The following HSH2D variants were observed in gnomAD, a reference collection of about 807,000 sequenced individuals.
The protein encoded by HSH2D is hematopoietic SH2 domain containing, also known as hematopoietic SH2 domain-containing protein.
In HSH2D, 16 loss-of-function variants were observed where a neutral mutation model predicts 21.5. That is an observed-to-expected ratio of 0.74 (90% CI 0.50 to 1.13). The LOEUF (loss-of-function observed/expected upper bound fraction) is 1.13, where lower values mean the gene tolerates loss of function less well. HSH2D is among the 50% of genes most tolerant of loss of function. HSH2D has a pLI of 0.00. For synonymous variants in HSH2D, 172 were observed against 184.7 expected (o/e 0.93, Z 0.56); for missense variants, 418 against 441.4 (o/e 0.95, Z 0.47).
rs75229415 is a variant in HSH2D, at chr19:16,134,397, T to C, written c.-324+162T>C. On this transcript the variant is annotated intron_variant, in intron 1 of 7. Transcript: ENST00000616645. ...AACCGCATCACTTGTACAGAAAGTGTATGAGCCACGCATGTAGGGAAGTTT... is the reference window on the plus strand; with the variant it reads ...AACCGCATCACTTGTACAGAAAGTGCATGAGCCACGCATGTAGGGAAGTTT... 4.7e-4 allele frequency among the ~76,000 whole-genome samples: 71 copies of C among 152,290 alleles called. No homozygotes were observed. In the East Asian group the frequency reaches 0.013, roughly 27 times the overall value.
At position 16,135,005 on chromosome 19, in the gene HSH2D, G is replaced by A. The variant is rs1362927513; in HGVS notation, c.-324+770G>A. Among the ~76,000 whole-genome samples, 6 of 151,628 alleles carry A rather than the reference G, an allele frequency of 4.0e-5. No homozygotes were observed. In the South Asian group the frequency reaches 8.3e-4, roughly 21 times the overall value. On this transcript the variant is annotated intron_variant, in intron 1 of 7. Transcript: ENST00000616645. ...ACAAAAATTGGCCGGGTGCAGTGGC[G>A]CATGCCTCATCCCAGCACTTTGGGA...
intron 1 of HSH2D, among the ~76,000 whole-genome samples, chr19:16,135,462 T>C (rs368458695): frequency 1.7e-3 from 256 of 151,832 alleles, no homozygotes; most frequent in African/African-American, 5.7e-3. Flanking sequence ...CAGGTCTTCC[T>C]TGGGCTTAGG....
chr19:16,154,928 C>A (rs1318929106), intron 5 of HSH2D: 1 of 158,138 alleles, frequency 6.3e-6, no homozygotes, highest in African/African-American at 2.4e-5. Flanking sequence ...CTGCAGCGGA[C>A]TTCCCAAAAG....
chr19:16,144,639 G>T (rs1423079136), intron 1 of HSH2D, among the ~76,000 whole-genome samples: 3 of 151,650 alleles, frequency 2.0e-5, no homozygotes, highest in South Asian at 2.1e-4. Context: ...CGGCTAAGTG[G>T]GCGAGCTAGG....
rs1157605454 is a variant in HSH2D, at chr19:16,143,743, G to A, written c.-59G>A. 2.2e-6 allele frequency: 1 copy of A among 453,958 alleles called. No homozygotes were observed. 28.1% of individuals were successfully genotyped at this position (453,958 alleles called of 1,614,324 possible). A position where few individuals can be genotyped will look rare whatever the true frequency, so the allele number is the denominator to read the frequency against. On this transcript the variant is annotated 5_prime_UTR_variant, in exon 1 of 6. Coordinates refer to ENST00000613986, the MANE Select transcript of HSH2D (RefSeq NM_001382417.1). ...TCCTGCAGGCACTGGCACAGCTACA[G>A]CGAGGGCCTCGGCCATCCAAGGGTC...
intron 1 of HSH2D, among the ~76,000 whole-genome samples, chr19:16,137,039 G>A (rs1343639877): frequency 6.6e-6 from 1 of 152,030 alleles, no homozygotes; most frequent in Non-Finnish European, 1.5e-5. Context: ...GTGTGTCCAC[G>A]TCCTTGTTCT....
In HSH2D at chr19:16,157,585, A is replaced by G. The variant is rs772170713; in HGVS notation, c.850A>G (p.Lys284Glu). ...LKSPSQPQAP[K>E]DRKVPTRKAE... ...AAGCCCCTCACAGCCCCAGGCACCA[A>G]AAGACAGAAAGGTCCCCACCAGGAA... The change falls in exon 6 of 6, where the codon AAA becomes GAA. Residue 284 changes from lysine to glutamate, a missense_variant. By Grantham distance (56) the Lys-to-Glu change is moderately conservative. Coordinates refer to ENST00000613986, the MANE Select transcript of HSH2D (RefSeq NM_001382417.1). The surrounding 1 kb of genome is among the most constrained non-coding windows in gnomAD (Gnocchi z 4.4). 11 of 1,613,926 alleles carry G rather than the reference A, an allele frequency of 6.8e-6. 1 individual carries two copies. In the East Asian group the frequency reaches 1.3e-4, roughly 20 times the overall value.
At chr19:16,134,118 A>C (rs1400374461) in exon 1 of HSH2D, 1 of 152,426 alleles carries the variant, frequency 6.6e-6, no homozygotes, top group East Asian at 1.9e-4. Flanking sequence ...AAATCAGCAA[A>C]GGGAAAAGGC....
intron 1 of HSH2D, among the ~76,000 whole-genome samples, chr19:16,144,755 C>T (rs1447531460): frequency 2.9e-5 from 4 of 137,582 alleles, no homozygotes; most frequent in Non-Finnish European, 6.1e-5. Flanking sequence ...TGCAGTGGCT[C>T]GATCTCAGCT....
Position 16,153,151 on chromosome 19 carries a change from C to G in HSH2D, c.324C>G (p.Phe108Leu). 6.3e-7 allele frequency: 1 copy of G among 1,582,596 alleles called. No individual in the cohort carries two copies. Among genetic ancestry groups the G allele is most frequent in the Non-Finnish European group, 8.6e-7 (1 of 1,165,560 alleles). ...CCTCGCTGGACGCCCTGGTCACCTT[C>G]CACCAGCAGAAGCCAATTGAGCCGC... ...AHTSLDALVT[F>L]HQQKPIEPRR... Residue 108 changes from phenylalanine (F) to leucine (L), a missense_variant, in exon 4 of 6, where the codon TTC (phenylalanine) becomes TTG (leucine). Transcript: ENST00000613986.
intron 1 of HSH2D, among the ~76,000 whole-genome samples, chr19:16,134,952 C>G (rs999541300): frequency 4.7e-5 from 7 of 149,898 alleles, no homozygotes; most frequent in Non-Finnish European, 8.9e-5. Flanking sequence ...TAGTGAGACC[C>G]CATCTCTAAA....
intron 2 of HSH2D, among the ~76,000 whole-genome samples, chr19:16,150,623 A>AC (rs2091135033): frequency 1.3e-5 from 2 of 150,956 alleles, no homozygotes; most frequent in South Asian, 4.2e-4. Flanking sequence ...ACTTGCTGGA[A>AC]CCCTGCAGGC....
chr19:16,152,710 G>A, intron 3 of HSH2D, 69 bp downstream of exon 3: 1 of 1,132,426 alleles, frequency 8.8e-7, no homozygotes, highest in Non-Finnish European at 1.3e-6. Context: ...GGGGCAAGGG[G>A]TGCTTCATGT....
intron 2 of HSH2D, chr19:16,151,692 G>T: frequency 2.4e-6 from 1 of 422,130 alleles, no homozygotes; most frequent in Admixed American, 2.5e-5. Flanking sequence ...CTGAGATCAA[G>T]GTCATCAGAC....
At chr19:16,154,988 CT>C (rs1478847299) in intron 5 of HSH2D, 1 of 153,624 alleles carries the variant, frequency 6.5e-6, no homozygotes, top group Non-Finnish European at 1.5e-5. Context: ...CCCTGGCTGC[CT>C]TTCCAGTCAG....
chr19:16,143,368 G>A (rs1480266287), upstream of HSH2D, among the ~76,000 whole-genome samples: 1 of 152,184 alleles, frequency 6.6e-6, no homozygotes, highest in Non-Finnish European at 1.5e-5. Context: ...GCAGGTGTGA[G>A]CCACCGCACC....
chr19:16,153,759 T>A (rs2091197848), intron 4 of HSH2D, among the ~76,000 whole-genome samples: 1 of 151,152 alleles, frequency 6.6e-6, no homozygotes, highest in South Asian at 2.1e-4. Context: ...GGGCAGGGCA[T>A]GTTTCCTTAG....
At chr19:16,138,371 G>A (rs1299086432) in intron 1 of HSH2D, among the ~76,000 whole-genome samples, 1 of 152,220 alleles carries the variant, frequency 6.6e-6, no homozygotes, top group Non-Finnish European at 1.5e-5. Context: ...CATTTGGGTT[G>A]TTTCCACCGT....
At chr19:16,138,349 T>A (rs1170478047) in intron 1 of HSH2D, among the ~76,000 whole-genome samples, 1 of 152,244 alleles carries the variant, frequency 6.6e-6, no homozygotes, top group Admixed American at 6.5e-5. Flanking sequence ...TACCCATTCA[T>A]TCATTCATGG....
Sources: allele counts gnomAD v4.1 joint callset (sites outside exome capture counted in the v4.1 genomes callset), GRCh38; gene constraint gnomAD v4.1.1; non-coding constraint Gnocchi (gnomAD v3.1); transcripts MANE v1.5; gene names NCBI Gene and HGNC (gene_info 2026-07-23, HGNC 2026-07-21).